The following PXDNL variants were observed in gnomAD, a reference collection of about 807,000 sequenced individuals.
The protein encoded by PXDNL is peroxidasin like, also known as probable oxidoreductase PXDNL.
Under a neutral mutation model 150.8 loss-of-function variants are expected in PXDNL, and 145 were observed. The ratio of observed to expected loss-of-function variants is 0.96; its 90% CI spans 0.84 to 1.10. PXDNL has a LOEUF of 1.10. PXDNL is among the 50% of genes least tolerant of loss of function. The pLI is 0.00. For missense variants in PXDNL, 2,087 were observed against 1,873.9 expected (o/e 1.11, Z -2.10); for synonymous variants, 757 against 725.7 (o/e 1.04, Z -0.69).
chr8:51,503,667 C>G (rs1015033816), intron 4 of PXDNL, among the ~76,000 whole-genome samples: 1 of 152,134 alleles, frequency 6.6e-6, no homozygotes, highest in African/African-American at 2.4e-5. Flanking sequence ...CTGTTTAAGT[C>G]ACTTCATAAA....
intron 1 of PXDNL, among the ~76,000 whole-genome samples, chr8:51,761,598 T>C (rs567632782): frequency 6.6e-6 from 1 of 152,192 alleles, no homozygotes; most frequent in Admixed American, 6.5e-5. Context: ...TTAAAGCTCT[T>C]AATAGATTTG....
At chr8:51,486,794 ATTTTTTTTTT>A (rs1195750381) in intron 5 of PXDNL, among the ~76,000 whole-genome samples, 144 of 24,432 alleles carry the variant, frequency 5.9e-3, no homozygotes, top group East Asian at 0.019. Flanking sequence ...ATATATATAT[ATTTTTTTTTT>A]TTTTTTTTTT....
rs147268272 is a variant in PXDNL at position 51,416,223 on chromosome 8, A to G, written c.1796-2965T>C. 5.3e-5 allele frequency among the ~76,000 whole-genome samples: 8 copies of G among 152,354 alleles called. No individual in the cohort carries two copies. In the East Asian group the frequency reaches 1.5e-3, roughly 29 times the overall value. On this transcript the variant is annotated intron_variant, in intron 14 of 22. Coordinates refer to ENST00000356297, the MANE Select transcript of PXDNL (RefSeq NM_144651.5). ...CAAAGGTCTACGTGGATTTGGAAGT[A>G]AGAAGATTGTGTGCTAGGACTGAGT...
intron 1 of PXDNL, among the ~76,000 whole-genome samples, chr8:51,806,008 G>A (rs745453517): frequency 2.0e-4 from 31 of 152,094 alleles, no homozygotes; most frequent in African/African-American, 6.8e-4. Context: ...TAAAATCCAC[G>A]GCACAAAGAG....
At chr8:51,792,643 C>T (rs1053866563) in intron 1 of PXDNL, among the ~76,000 whole-genome samples, 1 of 152,188 alleles carries the variant, frequency 6.6e-6, no homozygotes, top group Admixed American at 6.5e-5. Context: ...TTTCCCCCTG[C>T]TGGTGCTGGG....
intron 4 of PXDNL, among the ~76,000 whole-genome samples, chr8:51,535,499 T>A (rs1563454512): frequency 8.3e-5 from 10 of 120,860 alleles, no homozygotes. Context: ...TGTGCTTTGT[T>A]AAACAGATGC....
intron 2 of PXDNL, among the ~76,000 whole-genome samples, chr8:51,618,226 A>AG (rs1309982721): frequency 6.6e-6 from 1 of 152,266 alleles, no homozygotes; most frequent in Non-Finnish European, 1.5e-5. Flanking sequence ...GGACAGAAAT[A>AG]GGAAATACAA....
At chr8:51,519,677 T>C (rs928859183) in intron 4 of PXDNL, among the ~76,000 whole-genome samples, 2 of 152,014 alleles carry the variant, frequency 1.3e-5, no homozygotes, top group African/African-American at 4.8e-5. Context: ...CATCAAAAAA[T>C]AAAGCAAGAG....
intron 5 of PXDNL, among the ~76,000 whole-genome samples, chr8:51,489,251 T>C (rs1451939044): frequency 1.3e-5 from 2 of 152,226 alleles, no homozygotes; most frequent in South Asian, 2.1e-4. Flanking sequence ...TGTCTTTACA[T>C]TGAAAACTCC....
intron 21 of PXDNL, among the ~76,000 whole-genome samples, chr8:51,328,859 A>AAAC (rs1482421780): frequency 1.3e-5 from 2 of 152,142 alleles, no homozygotes; most frequent in Non-Finnish European, 2.9e-5. Context: ...CCTTCATGAA[A>AAAC]AACACCCAAA....
chr8:51,802,254 G>A (rs748861295), intron 1 of PXDNL, among the ~76,000 whole-genome samples: 4 of 151,562 alleles, frequency 2.6e-5, no homozygotes, highest in Non-Finnish European at 4.4e-5. Context: ...TTACTACTCC[G>A]ATGAAGAATC....
chr8:51,340,543 T>C (rs1277252616), intron 20 of PXDNL, among the ~76,000 whole-genome samples: 3 of 152,242 alleles, frequency 2.0e-5, no homozygotes, highest in Non-Finnish European at 4.4e-5. Context: ...ATTGTTCTGC[T>C]TTATTCTATT....
At chr8:51,706,659 G>A (rs2956884) in intron 1 of PXDNL, among the ~76,000 whole-genome samples, 129,098 of 152,264 alleles carry the variant, frequency 0.85, 55,106 homozygotes, top group African/African-American at 0.95. Context: ...CAAGCTGAGC[G>A]CCAGAAAAAC....
chr8:51,532,421 A>G (rs1273103027), intron 4 of PXDNL, among the ~76,000 whole-genome samples: 3 of 152,212 alleles, frequency 2.0e-5, no homozygotes, highest in Non-Finnish European at 2.9e-5. Context: ...TTCTGACAGC[A>G]ATGGTTACCT....
At chr8:51,670,552 G>T (rs951559975) in intron 1 of PXDNL, among the ~76,000 whole-genome samples, 1 of 152,026 alleles carries the variant, frequency 6.6e-6, no homozygotes, top group African/African-American at 2.4e-5. Context: ...ACATAGATAA[G>T]GTATAATAAA....
At chr8:51,448,418 C>T (rs540479440) in intron 11 of PXDNL, among the ~76,000 whole-genome samples, 1 of 152,344 alleles carries the variant, frequency 6.6e-6, no homozygotes, top group South Asian at 2.1e-4. Context: ...AACTGCTACA[C>T]TTGCGGCCGG....
intron 4 of PXDNL, among the ~76,000 whole-genome samples, chr8:51,503,590 C>A (rs918432580): frequency 6.3e-4 from 96 of 152,248 alleles, no homozygotes; most frequent in African/African-American, 2.2e-3. Context: ...CTGTGGATAA[C>A]CCTGCCATTT....
chr8:51,653,540 T>G (rs887049267), intron 2 of PXDNL, among the ~76,000 whole-genome samples: 9 of 152,232 alleles, frequency 5.9e-5, no homozygotes, highest in African/African-American at 2.2e-4. Context: ...GGAAATGTTT[T>G]CGTACATTGC....
At chr8:51,648,403 G>A (rs1449938321) in intron 2 of PXDNL, among the ~76,000 whole-genome samples, 1 of 152,210 alleles carries the variant, frequency 6.6e-6, no homozygotes, top group East Asian at 1.9e-4. Flanking sequence ...GCAATTCTTA[G>A]TGAGAGATAG....
Sources: gnomAD v4.1 joint callset for allele counts (sites outside exome capture counted in the v4.1 genomes callset) on GRCh38, gnomAD v4.1.1 for gene constraint, MANE v1.5 for transcripts, NCBI Gene and HGNC (gene_info 2026-07-23, HGNC 2026-07-21) for gene names.